Variants in CTNND2 observed in about 807,000 individuals in gnomAD.
The protein encoded by CTNND2 is catenin delta-2.
Under a neutral mutation model 144.4 loss-of-function variants are expected in CTNND2, and 22 were observed. The ratio of observed to expected loss-of-function variants is 0.15; its 90% confidence interval spans 0.11 to 0.22. CTNND2 has a LOEUF of 0.22. Among genes scored for constraint, CTNND2 ranks in the 10% least tolerant of loss-of-function variants. The pLI is 1.00. For synonymous variants in CTNND2, 751 were observed against 695.6 expected (o/e 1.08, Z -1.25); for missense variants, 1,353 against 1,618.8 (o/e 0.84, Z 2.82).
chr5:11,137,743 T>C (rs10513074), intron 12 of CTNND2, among the ~76,000 whole-genome samples: 7,244 of 152,292 alleles, frequency 0.048, 271 homozygotes, highest in East Asian at 0.089. Flanking sequence ...ATTTATGGAA[T>C]GTTTTCTTCA....
In CTNND2 at chr5:11,442,881, A is replaced by G. The variant is rs917534998; in HGVS notation, c.288-30812T>C. Among the ~76,000 whole-genome samples, 9 of 145,746 alleles carry G rather than the reference A, an allele frequency of 6.2e-5. No individual in the cohort carries two copies. The East Asian group carries it at 1.8e-3, about 28-fold the overall frequency. ...TTATATTATAATTATTATAAATATT[A>G]TATATATTTATTATATATTAGTGAA... On this transcript the variant is annotated intron_variant, in intron 3 of 21. Transcript: ENST00000304623.
At chr5:11,614,026 T>C (rs72734928) in intron 2 of CTNND2, among the ~76,000 whole-genome samples, 2,529 of 152,338 alleles carry the variant, frequency 0.017, 33 homozygotes, top group Non-Finnish European at 0.025. Flanking sequence ...TGTCTGCCAA[T>C]TGAAAAAGTT....
intron 9 of CTNND2, among the ~76,000 whole-genome samples, chr5:11,243,071 A>G (rs568085685): frequency 2.0e-5 from 3 of 152,350 alleles, no homozygotes; most frequent in Admixed American, 1.3e-4. Context: ...TATAAACCTT[A>G]TAACCTTTCA....
At chr5:11,609,002 C>T (rs10050349) in intron 2 of CTNND2, among the ~76,000 whole-genome samples, 2,558 of 152,238 alleles carry the variant, frequency 0.017, 84 homozygotes, top group African/African-American at 0.058. Flanking sequence ...TGAAGCAATT[C>T]CTGCAGCCTG....
intron 18 of CTNND2, among the ~76,000 whole-genome samples, chr5:11,004,781 A>G (rs1397526938): frequency 1.3e-5 from 2 of 152,012 alleles, no homozygotes; most frequent in Non-Finnish European, 2.9e-5. Flanking sequence ...AAAAAAAAAA[A>G]AAAAAAAAAG....
At chr5:11,678,122 T>A (rs1049728384) in intron 2 of CTNND2, among the ~76,000 whole-genome samples, 1 of 152,146 alleles carries the variant, frequency 6.6e-6, no homozygotes, top group African/African-American at 2.4e-5. Context: ...TTACTTGGCA[T>A]TGACAATACA....
intron 16 of CTNND2, among the ~76,000 whole-genome samples, chr5:11,077,722 C>T (rs1284923190): frequency 6.6e-6 from 1 of 151,952 alleles, no homozygotes; most frequent in Admixed American, 6.6e-5. Flanking sequence ...CACAGGGAGA[C>T]TAGGTAAGGG....
chr5:11,257,067 T>C (rs1052853330), intron 9 of CTNND2, among the ~76,000 whole-genome samples: 3 of 152,212 alleles, frequency 2.0e-5, no homozygotes, highest in African/African-American at 7.2e-5. Flanking sequence ...AAGAGAAAGG[T>C]CACAGGAAAT....
At position 11,428,700 on chromosome 5, in the gene CTNND2, T is replaced by C. The variant is rs533393771; in HGVS notation, c.288-16631A>G. Among the ~76,000 whole-genome samples the C allele has an allele frequency of 5.3e-5, 8 of 152,374 alleles. 1 individual carries two copies. In the South Asian group the frequency reaches 1.7e-3, roughly 32 times the overall value. The stretch of plus-strand genomic sequence containing the variant: ...GGATTTCCTCTTAATATTCTAAGCA[T>C]GCTCTGCATTTATTTCGCTGAATCT... On this transcript the variant is annotated intron_variant, in intron 3 of 21. Transcript: ENST00000304623.
chr5:11,154,171 C>T (rs539456991), intron 12 of CTNND2, among the ~76,000 whole-genome samples: 4 of 152,178 alleles, frequency 2.6e-5, no homozygotes, highest in African/African-American at 7.2e-5. Context: ...ACATCCCCTG[C>T]GTAAGAACCT....
chr5:11,390,183 T>C (rs1389667189), intron 6 of CTNND2, among the ~76,000 whole-genome samples: 1 of 152,226 alleles, frequency 6.6e-6, no homozygotes, highest in Non-Finnish European at 1.5e-5. Context: ...TGGAGATCTA[T>C]CGATGGAGTA....
chr5:11,066,126 G>A (rs185704220), intron 16 of CTNND2, among the ~76,000 whole-genome samples: 312 of 150,672 alleles, frequency 2.1e-3, no homozygotes, highest in Non-Finnish European at 3.1e-3. Flanking sequence ...TGCAACCTCC[G>A]TCTCCTGGGT....
chr5:11,739,267 AC>A, intron 1 of CTNND2, among the ~76,000 whole-genome samples: 1 of 152,250 alleles, frequency 6.6e-6, no homozygotes, highest in Admixed American at 6.5e-5. Context: ...TGGTCAGATT[AC>A]CAGGATAATT....
intron 9 of CTNND2, among the ~76,000 whole-genome samples, chr5:11,287,936 T>C (rs1327960342): frequency 6.6e-6 from 1 of 152,178 alleles, no homozygotes; most frequent in Non-Finnish European, 1.5e-5. Flanking sequence ...TCAGCTGTAG[T>C]TTTTTTATTT....
chr5:11,411,797 G>GC, intron 4 of CTNND2, 145 bp from the exon 5 acceptor site: 1 of 707,404 alleles, frequency 1.4e-6, no homozygotes, highest in Non-Finnish European at 2.3e-6. Context: ...TTAATTTTTG[G>GC]TCAACCAACA....
rs566324839 is a variant in CTNND2 at position 11,546,230 on chromosome 5, A to G, written c.287+18714T>C. Among the ~76,000 whole-genome samples the G allele has an allele frequency of 1.7e-4, 26 of 152,244 alleles. No individual in the cohort carries two copies. In the South Asian group the frequency reaches 4.8e-3, roughly 28 times the overall value. On this transcript the variant is annotated intron_variant, in intron 3 of 21. Coordinates refer to ENST00000304623, the MANE Select transcript of CTNND2 (RefSeq NM_001332.4). Reference sequence around the variant, plus strand: ...AAAATCTGAGAATATATTAAAAACCATTAAATTTTATATTTAACTGGATGA... The same window carrying G: ...AAAATCTGAGAATATATTAAAAACCGTTAAATTTTATATTTAACTGGATGA...
At chr5:11,206,902 C>T (rs1165681028) in intron 10 of CTNND2, among the ~76,000 whole-genome samples, 1 of 149,936 alleles carries the variant, frequency 6.7e-6, no homozygotes, top group East Asian at 1.9e-4. Context: ...TACACTTACT[C>T]TCTCTCTCTC....
chr5:11,583,645 C>G (rs748872815), intron 2 of CTNND2, among the ~76,000 whole-genome samples: 1 of 152,164 alleles, frequency 6.6e-6, no homozygotes, highest in Non-Finnish European at 1.5e-5. Flanking sequence ...CAAGAGCACA[C>G]TGGATGTGCA....
chr5:11,743,592 T>C (rs1393530662), intron 1 of CTNND2, among the ~76,000 whole-genome samples: 17 of 152,132 alleles, frequency 1.1e-4, no homozygotes, highest in Non-Finnish European at 2.4e-4. Context: ...AGTCAGAACA[T>C]GCAACCACAA....
Sources: gnomAD v4.1 joint callset for allele counts (sites outside exome capture counted in the v4.1 genomes callset) on GRCh38, gnomAD v4.1.1 for gene constraint, MANE v1.5 for transcripts, NCBI Gene and HGNC (gene_info 2026-07-23, HGNC 2026-07-21) for gene names.